The following SYTL3 variants were observed in gnomAD, a reference collection of about 807,000 sequenced individuals.
The protein encoded by SYTL3 is synaptotagmin like 3.
SYTL3 carries 88 observed loss-of-function variants against 82.1 expected under a neutral mutation model. That is an observed-to-expected ratio of 1.07 (90% confidence interval 0.90 to 1.28). SYTL3 has a LOEUF of 1.28. Ranked by LOEUF, SYTL3 falls within the 50% of genes most tolerant of loss-of-function variation. The pLI, the probability that SYTL3 is intolerant of heterozygous loss-of-function variation, is 0.00. For synonymous variants in SYTL3, 311 were observed against 289.4 expected (o/e 1.07, Z -0.76); for missense variants, 831 against 757.6 (o/e 1.10, Z -1.14).
At chr6:158,754,682 T>C (rs942858180) in intron 13 of SYTL3, among the ~76,000 whole-genome samples, 2 of 152,224 alleles carry the variant, frequency 1.3e-5, no homozygotes, top group African/African-American at 4.8e-5. Flanking sequence ...ATCACACCAC[T>C]GCACTCCAGC....
intron 5 of SYTL3, among the ~76,000 whole-genome samples, chr6:158,668,622 C>T (rs1040050041): frequency 2.0e-5 from 3 of 152,068 alleles, no homozygotes; most frequent in Non-Finnish European, 4.4e-5. Flanking sequence ...AACACCATGC[C>T]GAAAGTCTGC....
intron 13 of SYTL3, among the ~76,000 whole-genome samples, chr6:158,755,712 C>A (rs1024476175): frequency 6.6e-6 from 1 of 152,204 alleles, no homozygotes; most frequent in African/African-American, 2.4e-5. Context: ...AGGAGATGAA[C>A]CCCAAAGCAA....
intron 11 of SYTL3, among the ~76,000 whole-genome samples, chr6:158,729,813 G>A (rs1371575405): frequency 2.0e-5 from 3 of 151,736 alleles, no homozygotes; most frequent in African/African-American, 4.8e-5. Flanking sequence ...TGATCCGCTC[G>A]CCTTGGCCTC....
At chr6:158,747,474 C>T (rs1245451059) in intron 12 of SYTL3, among the ~76,000 whole-genome samples, 2 of 152,252 alleles carry the variant, frequency 1.3e-5, no homozygotes, top group East Asian at 3.9e-4. Context: ...AAGGAATCCT[C>T]TCACTTCAGC....
intron 9 of SYTL3, among the ~76,000 whole-genome samples, chr6:158,714,402 C>A (rs1307222892): frequency 6.6e-6 from 1 of 151,978 alleles, no homozygotes; most frequent in African/African-American, 2.4e-5. Flanking sequence ...GAATCTAAAA[C>A]CAGAACCTTT....
chr6:158,682,402 C>G (rs189940011), intron 5 of SYTL3, among the ~76,000 whole-genome samples: 1 of 146,466 alleles, frequency 6.8e-6, no homozygotes, highest in East Asian at 2.0e-4. Flanking sequence ...CTCTGCCGCC[C>G]AGGCTGGAGT....
rs537609567 is a variant in SYTL3, at chr6:158,718,312, T to C, written c.720+101T>C. 250 of 1,261,962 alleles carry C rather than the reference T, an allele frequency of 2.0e-4. No individual in the cohort carries two copies. In the African/African-American group the frequency reaches 3.5e-3, roughly 18 times the overall value. 78.2% of individuals were successfully genotyped at this position (1,261,962 alleles called of 1,614,324 possible). On this transcript the variant is annotated intron_variant, in intron 10 of 17. Transcript: ENST00000611299. ...TGTAGATTTATGTTTTCTTTGGTTT[T>C]ATAGAAAAACAGTAAGCCATCAGAA...
Position 158,734,258 on chromosome 6 carries a change from G to A in SYTL3, c.855+8621G>A, listed in dbSNP as rs373168853. Among the ~76,000 whole-genome samples the A allele has an allele frequency of 2.6e-5, 4 of 152,114 alleles. No homozygotes were observed. In the East Asian group the frequency reaches 7.7e-4, roughly 29 times the overall value. On this transcript the variant is annotated intron_variant, in intron 11 of 17. Coordinates refer to ENST00000611299, the MANE Select transcript of SYTL3 (RefSeq NM_001242394.2). ...GGGGTGGAGGGGTTGGGATGAGACT[G>A]TGCCTTCATAGACAGCCAGTGGGCC...
intron 14 of SYTL3, among the ~76,000 whole-genome samples, chr6:158,758,724 C>T (rs1789492069): frequency 6.6e-6 from 1 of 152,168 alleles, no homozygotes; most frequent in Non-Finnish European, 1.5e-5. Context: ...GCTTAGACCT[C>T]CCCTTCCCAG....
At chr6:158,674,119 AATGATGATG>A (rs1554244792) in intron 5 of SYTL3, among the ~76,000 whole-genome samples, 1 of 141,456 alleles carries the variant, frequency 7.1e-6, no homozygotes, top group African/African-American at 2.7e-5. Flanking sequence ...TAATAATAAT[AATGATGATG>A]ATGATGATAA....
At chr6:158,691,902 C>T (rs1352504119) in intron 6 of SYTL3, among the ~76,000 whole-genome samples, 5 of 150,174 alleles carry the variant, frequency 3.3e-5, no homozygotes, top group South Asian at 2.1e-4. Context: ...CGGCCCGCCT[C>T]GGCCTCCCAA....
chr6:158,649,150 AGTT>A (rs1323730184), upstream of SYTL3, among the ~76,000 whole-genome samples: 6 of 152,212 alleles, frequency 3.9e-5, no homozygotes, highest in Non-Finnish European at 7.3e-5. Context: ...ATGCTATAGT[AGTT>A]ATTAAATAGT....
chr6:158,763,193 G>A, intron 16 of SYTL3, 111 bp from the exon 17 acceptor site: 1 of 1,008,886 alleles, frequency 9.9e-7, no homozygotes, highest in Non-Finnish European at 1.5e-6. Context: ...GGGTGTGGAT[G>A]TTGTGGACTT....
At chr6:158,713,757 C>T in intron 8 of SYTL3, 43 bp from the exon 9 acceptor site, 2 of 1,421,258 alleles carry the variant, frequency 1.4e-6, no homozygotes, top group Non-Finnish European at 9.7e-7. Flanking sequence ...AAACACAAGT[C>T]ATCAAGCATA....
intron 12 of SYTL3, among the ~76,000 whole-genome samples, chr6:158,748,979 G>T (rs1334738519): frequency 6.6e-6 from 1 of 151,964 alleles, no homozygotes; most frequent in African/African-American, 2.4e-5. Context: ...CCAGCACTTT[G>T]GGAAGCCGAG....
intron 5 of SYTL3, among the ~76,000 whole-genome samples, chr6:158,679,351 T>C (rs975121772): frequency 6.6e-6 from 1 of 151,280 alleles, no homozygotes; most frequent in Non-Finnish European, 1.5e-5. Flanking sequence ...GCCTGGGCGA[T>C]AGAATGAGAC....
rs749422593 is a variant in SYTL3 at position 158,763,515 on chromosome 6, T to C, written c.1723+6T>C. ...AGGAACCAGACTTGGTTCAAGTAAG[T>C]CTGAGACATTGAGCCCAAACGTTTA... On this transcript the variant is annotated splice_donor_region_variant and intron_variant, in intron 17 of 17. Coordinates refer to ENST00000611299, the MANE Select transcript of SYTL3 (RefSeq NM_001242394.2). The C allele has an allele frequency of 3.7e-6, 6 of 1,612,276 alleles. No individual in the cohort carries two copies. The highest frequency in any genetic ancestry group is 1.7e-5 in the Admixed American group (1 of 60,022).
In SYTL3 at chr6:158,689,715, G is replaced by A. The variant is rs562945096; in HGVS notation, c.394+6726G>A. ...GTCACCCAGGCTGGAGTACCATGGC[G>A]CAATCTTGGTTCACTGCAACCTCCA... On this transcript the variant is annotated intron_variant, in intron 6 of 17. Coordinates refer to ENST00000611299, the MANE Select transcript of SYTL3 (RefSeq NM_001242394.2). 1.3e-4 allele frequency among the ~76,000 whole-genome samples: 19 copies of A among 151,112 alleles called. No individual in the cohort carries two copies. The East Asian group carries it at 2.5e-3, about 20-fold the overall frequency.
chr6:158,689,032 C>T (rs1168422410), intron 6 of SYTL3, among the ~76,000 whole-genome samples: 1 of 152,220 alleles, frequency 6.6e-6, no homozygotes, highest in East Asian at 1.9e-4. Flanking sequence ...GAGTGTATCT[C>T]ACCCCGTCAT....
Sources: gnomAD v4.1 joint callset for allele counts (sites outside exome capture counted in the v4.1 genomes callset) on GRCh38, gnomAD v4.1.1 for gene constraint, MANE v1.5 for transcripts, NCBI Gene and HGNC (gene_info 2026-07-23, HGNC 2026-07-21) for gene names.